ZSCAN5A: variants seen among roughly 807,000 people sequenced by gnomAD.
The protein encoded by ZSCAN5A is zinc finger and SCAN domain containing 5A.
ZSCAN5A carries 12 observed loss-of-function variants against 23.7 expected under a neutral mutation model. The ratio of observed to expected loss-of-function variants is 0.51; its 90% confidence interval spans 0.32 to 0.82. ZSCAN5A has a LOEUF of 0.82. Ranked by LOEUF, ZSCAN5A falls within the 40% of genes least tolerant of loss-of-function variation. The pLI is 0.03. For missense variants in ZSCAN5A, 597 were observed against 617.9 expected (o/e 0.97, Z 0.36); for synonymous variants, 257 against 239.9 (o/e 1.07, Z -0.66).
intron 2 of ZSCAN5A, among the ~76,000 whole-genome samples, chr19:56,255,986 A>G (rs958301110): frequency 2.6e-5 from 4 of 152,248 alleles, no homozygotes; most frequent in African/African-American, 9.6e-5. Flanking sequence ...TTGTATTCCC[A>G]TGAAACTTTT....
At chr19:56,364,757 A>G (rs2041754791) in intron 1 of ZSCAN5A, among the ~76,000 whole-genome samples, 1 of 152,240 alleles carries the variant, frequency 6.6e-6, no homozygotes, top group South Asian at 2.1e-4. Flanking sequence ...GTTGACGTAT[A>G]CCCTACACAT....
intron 2 of ZSCAN5A, among the ~76,000 whole-genome samples, chr19:56,252,756 A>C (rs563022047): frequency 6.6e-6 from 1 of 152,236 alleles, no homozygotes; most frequent in Admixed American, 6.5e-5. Flanking sequence ...TGGTTGGGCA[A>C]GGGTGGGACC....
At chr19:56,362,870 C>CAAAAA (rs569648990) in intron 2 of ZSCAN5A, among the ~76,000 whole-genome samples, 1 of 79,710 alleles carries the variant, frequency 1.3e-5, no homozygotes. Context: ...GACTCTGCCT[C>CAAAAA]AAAAAAAAAA....
At chr19:56,327,772 CAT>C (rs1302306341) in intron 2 of ZSCAN5A, among the ~76,000 whole-genome samples, 2 of 151,538 alleles carry the variant, frequency 1.3e-5, no homozygotes, top group Non-Finnish European at 2.9e-5. Flanking sequence ...TTTGTTTTTA[CAT>C]GTGTATTTAC....
intron 2 of ZSCAN5A, among the ~76,000 whole-genome samples, chr19:56,290,629 T>C (rs1171576959): frequency 1.3e-5 from 2 of 152,214 alleles, no homozygotes; most frequent in East Asian, 3.9e-4. Flanking sequence ...GAGGCTGTGG[T>C]GGGAGGAAGG....
chr19:56,331,797 G>A (rs1177066775), intron 2 of ZSCAN5A, among the ~76,000 whole-genome samples: 2 of 151,818 alleles, frequency 1.3e-5, no homozygotes, highest in Non-Finnish European at 2.9e-5. Flanking sequence ...AGTTGGCCAG[G>A]CTGGTCTTGA....
chr19:56,334,903 G>T (rs1466443052), intron 2 of ZSCAN5A, among the ~76,000 whole-genome samples: 2 of 152,180 alleles, frequency 1.3e-5, no homozygotes, highest in African/African-American at 4.8e-5. Context: ...TTCTCCAAAT[G>T]ACCACATCAC....
At chr19:56,319,498 G>GAAAAAAAA (rs57164685), upstream of ZSCAN5A, among the ~76,000 whole-genome samples, 18,232 of 77,122 alleles carry the variant, frequency 0.24, 2,098 homozygotes, top group East Asian at 0.29. Context: ...TCCATCTCGG[G>GAAAAAAAA]AAAAAAAAAA....
chr19:56,257,164 G>T (rs1387161653), intron 2 of ZSCAN5A, among the ~76,000 whole-genome samples: 2 of 152,162 alleles, frequency 1.3e-5, no homozygotes, highest in Non-Finnish European at 2.9e-5. Context: ...TCCAAGAGGG[G>T]CGAGTTTGCA....
At chr19:56,297,828 G>T (rs2039977665) in intron 2 of ZSCAN5A, 1 of 152,236 alleles carries the variant, frequency 6.6e-6, no homozygotes, top group African/African-American at 2.4e-5. Context: ...AAATTACCAA[G>T]CTAAGTCCTG....
At chr19:56,342,128 T>C (rs1198432659) in intron 2 of ZSCAN5A, among the ~76,000 whole-genome samples, 1 of 152,162 alleles carries the variant, frequency 6.6e-6, no homozygotes, top group African/African-American at 2.4e-5. Context: ...TAAAAGTTTT[T>C]GATTTGCTTA....
At chr19:56,274,441 A>T (rs1026064894) in intron 2 of ZSCAN5A, 1 of 147,364 alleles carries the variant, frequency 6.8e-6, no homozygotes, top group Non-Finnish European at 1.5e-5. Context: ...GAAACAGAGC[A>T]AGACTCTGTT....
At chr19:56,360,243 A>G (rs2041726086) in intron 2 of ZSCAN5A, among the ~76,000 whole-genome samples, 1 of 152,230 alleles carries the variant, frequency 6.6e-6, no homozygotes, top group Non-Finnish European at 1.5e-5. Context: ...ATACAAAACC[A>G]ATGTGCAGAA....
chr19:56,263,724 A>ATTGC (rs1363060684), intron 2 of ZSCAN5A: 1 of 152,216 alleles, frequency 6.6e-6, no homozygotes, highest in Non-Finnish European at 1.5e-5. Flanking sequence ...TATGCATTTA[A>ATTGC]ACAAAGACAA....
chr19:56,241,526 G>A (rs1328604598), intron 2 of ZSCAN5A, among the ~76,000 whole-genome samples: 3 of 152,224 alleles, frequency 2.0e-5, no homozygotes, highest in Non-Finnish European at 4.4e-5. Flanking sequence ...TGTGAACGCT[G>A]TAAAATGGCT....
intron 2 of ZSCAN5A, chr19:56,342,783 C>G (rs544066784): frequency 2.7e-6 from 2 of 730,022 alleles, no homozygotes; most frequent in Non-Finnish European, 5.1e-6. Flanking sequence ...CACGGAGATA[C>G]AGAGTACTGA....
chr19:56,361,374 T>G (rs959743693), intron 2 of ZSCAN5A, among the ~76,000 whole-genome samples: 3 of 152,224 alleles, frequency 2.0e-5, no homozygotes, highest in Non-Finnish European at 4.4e-5. Flanking sequence ...CAAAGGAATA[T>G]AAATCATTCT....
At chr19:56,343,254 C>A in intron 2 of ZSCAN5A, 2 of 834,568 alleles carry the variant, frequency 2.4e-6, no homozygotes, top group Non-Finnish European at 3.9e-6. Context: ...CAACCCCCTT[C>A]AGTATTCCTC....
At chr19:56,268,989 C>G (rs988386187) in intron 2 of ZSCAN5A, among the ~76,000 whole-genome samples, 40 of 152,146 alleles carry the variant, frequency 2.6e-4, no homozygotes, top group African/African-American at 9.4e-4. Context: ...GAATAATATC[C>G]TATTATATGG....
Sources: gnomAD v4.1 joint callset for allele counts (sites outside exome capture counted in the v4.1 genomes callset) on GRCh38, gnomAD v4.1.1 for gene constraint, MANE v1.5 for transcripts, NCBI Gene and HGNC (gene_info 2026-07-23, HGNC 2026-07-21) for gene names.